Variants in MNAT1 observed in about 807,000 individuals in gnomAD.
MNAT1 encodes the protein MNAT1 component of CDK activating kinase, also known as CDK-activating kinase assembly factor MAT1.
Under a neutral mutation model 42.0 loss-of-function variants are expected in MNAT1, and 43 were observed. The ratio of observed to expected loss-of-function variants is 1.02; its 90% CI spans 0.80 to 1.32. The LOEUF is 1.32. Ranked by LOEUF, MNAT1 falls within the 40% of genes most tolerant of loss-of-function variation. The pLI is 0.00. For synonymous variants in MNAT1, 118 were observed against 120.0 expected (o/e 0.98, Z 0.11); for missense variants, 306 against 350.4 (o/e 0.87, Z 1.01).
At chr14:60,855,752 C>T (rs763191424) in intron 6 of MNAT1, among the ~76,000 whole-genome samples, 3 of 152,150 alleles carry the variant, frequency 2.0e-5, no homozygotes, top group Non-Finnish European at 4.4e-5. Context: ...CCTGTTCAGC[C>T]ATCTTGGCCC....
At chr14:60,862,258 A>G (rs1374849207) in intron 6 of MNAT1, among the ~76,000 whole-genome samples, 7 of 152,230 alleles carry the variant, frequency 4.6e-5, no homozygotes, top group African/African-American at 1.7e-4. Flanking sequence ...AGTAATTTTT[A>G]TAACTGTTAG....
intron 1 of MNAT1, among the ~76,000 whole-genome samples, chr14:60,781,975 T>TGTGA (rs1566763317): frequency 5.6e-4 from 72 of 129,644 alleles, no homozygotes; most frequent in Admixed American, 2.0e-3. Context: ...GTGTGTGTGA[T>TGTGA]TTTTTTTTTT....
chr14:60,884,599 TTAAC>T (rs1160760438), intron 7 of MNAT1, among the ~76,000 whole-genome samples: 4 of 152,112 alleles, frequency 2.6e-5, no homozygotes, highest in Admixed American at 1.3e-4. Context: ...ACTCTACACT[TTAAC>T]TTTGTCCCCT....
chr14:60,911,751 AGTTTT>A (rs1281702452), intron 7 of MNAT1, among the ~76,000 whole-genome samples: 1 of 152,092 alleles, frequency 6.6e-6, no homozygotes, highest in Non-Finnish European at 1.5e-5. Flanking sequence ...CTATGTGGTC[AGTTTT>A]GGAATAGGTG....
At chr14:60,896,766 A>G (rs559495710) in intron 7 of MNAT1, among the ~76,000 whole-genome samples, 44 of 152,164 alleles carry the variant, frequency 2.9e-4, no homozygotes, top group Non-Finnish European at 5.9e-4. Flanking sequence ...GATTACAGGC[A>G]TGAGCCACCG....
intron 4 of MNAT1, among the ~76,000 whole-genome samples, chr14:60,810,694 T>C (rs548468673): frequency 2.0e-5 from 3 of 152,314 alleles, no homozygotes; most frequent in South Asian, 2.1e-4. Flanking sequence ...TTTTATTCCA[T>C]TGTGGTCAGG....
intron 6 of MNAT1, among the ~76,000 whole-genome samples, chr14:60,879,080 T>TG (rs935190008): frequency 1.3e-5 from 2 of 152,140 alleles, no homozygotes; most frequent in African/African-American, 4.8e-5. Flanking sequence ...GGTCTGCCAC[T>TG]GAGGGCTTCA....
intron 6 of MNAT1, among the ~76,000 whole-genome samples, chr14:60,840,298 G>A (rs1387597181): frequency 1.3e-5 from 2 of 152,214 alleles, no homozygotes; most frequent in Non-Finnish European, 2.9e-5. Flanking sequence ...GACTAAGAGA[G>A]TCATCAGACT....
chr14:60,795,236 A>G (rs2031975213), intron 1 of MNAT1, among the ~76,000 whole-genome samples: 1 of 152,160 alleles, frequency 6.6e-6, no homozygotes, highest in Non-Finnish European at 1.5e-5. Context: ...CCAGCAGCCT[A>G]TACCCTCAAG....
chr14:60,866,635 A>C (rs766760627), intron 6 of MNAT1, among the ~76,000 whole-genome samples: 9 of 152,178 alleles, frequency 5.9e-5, no homozygotes, highest in South Asian at 2.1e-4. Context: ...GCCTTTCTCA[A>C]AAGTAATTGC....
intron 7 of MNAT1, among the ~76,000 whole-genome samples, chr14:60,947,658 C>T (rs1164416792): frequency 2.0e-5 from 3 of 152,022 alleles, no homozygotes; most frequent in South Asian, 2.1e-4. Flanking sequence ...ACTCCAGCCT[C>T]GGCAACAAAG....
chr14:60,800,635 C>G (rs1428553425), intron 3 of MNAT1, among the ~76,000 whole-genome samples: 1 of 152,094 alleles, frequency 6.6e-6, no homozygotes, highest in Non-Finnish European at 1.5e-5. Flanking sequence ...AGAATTTGCT[C>G]TATGTCATTA....
intron 6 of MNAT1, among the ~76,000 whole-genome samples, chr14:60,852,247 C>T (rs2033842199): frequency 6.6e-6 from 1 of 152,268 alleles, no homozygotes; most frequent in East Asian, 1.9e-4. Context: ...GAGATGGTAT[C>T]TCATTGTGGT....
At chr14:60,816,781 TAGTA>T (rs1185560775) in intron 5 of MNAT1, among the ~76,000 whole-genome samples, 1 of 152,080 alleles carries the variant, frequency 6.6e-6, no homozygotes, top group Non-Finnish European at 1.5e-5. Flanking sequence ...GTTTAACACT[TAGTA>T]AGGCTTCCAG....
intron 7 of MNAT1, among the ~76,000 whole-genome samples, chr14:60,886,427 A>C (rs1348543897): frequency 6.2e-4 from 94 of 151,896 alleles, no homozygotes; most frequent in Non-Finnish European, 5.9e-5. Flanking sequence ...CATATTTTTC[A>C]GTGTGTACAG....
At chr14:60,949,495 A>C (rs1045718926) in intron 7 of MNAT1, among the ~76,000 whole-genome samples, 2 of 152,200 alleles carry the variant, frequency 1.3e-5, no homozygotes, top group African/African-American at 4.8e-5. Context: ...TTTTAGAAAA[A>C]AGTCATATGT....
intron 1 of MNAT1, among the ~76,000 whole-genome samples, chr14:60,759,275 C>T (rs1402797216): frequency 6.6e-6 from 1 of 152,194 alleles, no homozygotes; most frequent in African/African-American, 2.4e-5. Flanking sequence ...GGTCTGGTCT[C>T]TGCCTATTTT....
rs1244348081 is a variant in MNAT1, at chr14:60,969,855, T to C, written c.*1506T>C. 1 of 152,200 alleles carries C rather than the reference T, an allele frequency of 6.6e-6. No individual in the cohort carries two copies. The highest frequency in any genetic ancestry group is 1.5e-5 in the Non-Finnish European group (1 of 68,012). The allele number at this position is 152,200 out of a possible 1,614,324, so 9.4% of individuals were successfully genotyped here. On this transcript the variant is annotated 3_prime_UTR_variant, in exon 8 of 8. Transcript: ENST00000261245. ...ATGTATTTTAAAAAGAATGAACTAATTAATAAAACATATCAAAGGCTTTTA... is the reference window on the plus strand; with the variant it reads ...ATGTATTTTAAAAAGAATGAACTAACTAATAAAACATATCAAAGGCTTTTA...
intron 7 of MNAT1, among the ~76,000 whole-genome samples, chr14:60,957,712 T>C (rs1277134680): frequency 6.6e-6 from 1 of 152,228 alleles, no homozygotes; most frequent in East Asian, 1.9e-4. Context: ...CTCTAGTTCT[T>C]TTCTGGAAAT....
Sources: gnomAD v4.1 joint callset for allele counts (sites outside exome capture counted in the v4.1 genomes callset) on GRCh38, gnomAD v4.1.1 for gene constraint, MANE v1.5 for transcripts, NCBI Gene and HGNC (gene_info 2026-07-23, HGNC 2026-07-21) for gene names.